The following PHACTR1 variants were observed in gnomAD, a reference collection of about 807,000 sequenced individuals.
The protein encoded by PHACTR1 is phosphatase and actin regulator 1, also known as RPEL repeat containing 1.
In PHACTR1, 16 loss-of-function variants were observed where a neutral mutation model predicts 69.2. The ratio of observed to expected loss-of-function variants is 0.23; its 90% confidence interval spans 0.16 to 0.35. The LOEUF (loss-of-function observed/expected upper bound fraction) is 0.35, where lower values mean the gene tolerates loss of function less well. PHACTR1 is among the 10% of genes least tolerant of loss of function. PHACTR1 has a pLI of 1.00. For missense variants in PHACTR1, 510 were observed against 734.7 expected, an observed-to-expected ratio of 0.69 and a Z score of 3.54; for synonymous variants, 312 against 284.5, an observed-to-expected ratio of 1.10 and a Z score of -0.97.
At position 13,236,091 on chromosome 6, in the gene PHACTR1, A is replaced by ATTTT. The variant is rs556107685; in HGVS notation, c.1391+5908_1391+5911dup. Among the ~76,000 whole-genome samples the ATTTT allele has an allele frequency of 1.7e-3, 246 of 144,414 alleles. 1 individual carries two copies. Among genetic ancestry groups the ATTTT allele is most frequent in the African/African-American group, 5.1e-3 (200 of 39,574 alleles). 94.7% of individuals were successfully genotyped at this position (144,414 alleles called of 152,430 possible). The stretch of plus-strand genomic sequence containing the variant: ...TCCTACTCAGGAATGAACTATGGGC[A>ATTTT]TTTTTTTTTTTTTGGCAGTCAGAGT... On this transcript the variant is annotated intron_variant, in intron 10 of 14. Transcript: ENST00000332995.
At chr6:12,778,072 G>T (rs567224105) in intron 4 of PHACTR1, among the ~76,000 whole-genome samples, 8 of 152,194 alleles carry the variant, frequency 5.3e-5, no homozygotes, top group Admixed American at 3.3e-4. Context: ...AAGTCTCAAG[G>T]TTGAGTCAGG....
chr6:13,206,992 A>G (rs547841178), intron 8 of PHACTR1, among the ~76,000 whole-genome samples: 2 of 152,256 alleles, frequency 1.3e-5, no homozygotes, highest in African/African-American at 2.4e-5. Flanking sequence ...GACCTTATTC[A>G]AGGACCTGCT....
intron 4 of PHACTR1, among the ~76,000 whole-genome samples, chr6:13,014,335 A>G (rs542927466): frequency 6.6e-6 from 1 of 152,292 alleles, no homozygotes; most frequent in African/African-American, 2.4e-5. Context: ...CGGGCTCGCA[A>G]CCCTGCACAT....
intron 4 of PHACTR1, among the ~76,000 whole-genome samples, chr6:12,808,581 G>A (rs1774626105): frequency 6.6e-6 from 1 of 152,142 alleles, no homozygotes; most frequent in South Asian, 2.1e-4. Context: ...TATTGTAAGT[G>A]ACATAGAAAG....
intron 3 of PHACTR1, among the ~76,000 whole-genome samples, chr6:12,731,267 G>A (rs967288270): frequency 2.0e-5 from 3 of 152,102 alleles, no homozygotes; most frequent in Non-Finnish European, 2.9e-5. Context: ...ACCCGCCTTG[G>A]CTTCCCAAAG....
chr6:12,830,319 A>G (rs1777394221), intron 4 of PHACTR1, among the ~76,000 whole-genome samples: 1 of 141,902 alleles, frequency 7.0e-6, no homozygotes, highest in South Asian at 2.2e-4. Context: ...TTAAGATAAG[A>G]TTCAAGGGCT....
At chr6:13,064,942 T>C (rs1250026853) in intron 5 of PHACTR1, among the ~76,000 whole-genome samples, 3 of 152,244 alleles carry the variant, frequency 2.0e-5, no homozygotes, top group Non-Finnish European at 2.9e-5. Flanking sequence ...ACTCATCTGT[T>C]CCGGGACTTG....
intron 4 of PHACTR1, among the ~76,000 whole-genome samples, chr6:12,895,021 G>C (rs1784515642): frequency 6.6e-6 from 1 of 151,966 alleles, no homozygotes; most frequent in African/African-American, 2.4e-5. Context: ...TGGCACACCA[G>C]GGTTTCTCTG....
chr6:12,838,195 GA>G (rs1320612433), intron 4 of PHACTR1, among the ~76,000 whole-genome samples: 7 of 152,294 alleles, frequency 4.6e-5, no homozygotes, highest in Admixed American at 2.0e-4. Context: ...ATAACATACC[GA>G]GTAAAAACAA....
At chr6:13,053,778 G>A (rs1403449701) in intron 5 of PHACTR1, among the ~76,000 whole-genome samples, 3 of 152,020 alleles carry the variant, frequency 2.0e-5, no homozygotes, top group East Asian at 1.9e-4. Flanking sequence ...TTTGATCTAC[G>A]AATAATCTGA....
intron 4 of PHACTR1, among the ~76,000 whole-genome samples, chr6:13,006,021 T>G (rs1798743880): frequency 6.6e-6 from 1 of 152,194 alleles, no homozygotes; most frequent in Non-Finnish European, 1.5e-5. Context: ...CAATTATCAT[T>G]AGCTGATGGT....
At chr6:12,945,130 G>C (rs567556819) in intron 4 of PHACTR1, among the ~76,000 whole-genome samples, 161 of 152,116 alleles carry the variant, frequency 1.1e-3, no homozygotes, top group Non-Finnish European at 1.7e-3. Flanking sequence ...AGCTTCATAC[G>C]AGCAGTTGCC....
intron 4 of PHACTR1, among the ~76,000 whole-genome samples, chr6:12,785,208 T>A (rs1365765271): frequency 6.6e-6 from 1 of 152,106 alleles, no homozygotes; most frequent in Non-Finnish European, 1.5e-5. Context: ...AAAATGCAAT[T>A]CATCAGAGCT....
chr6:13,032,125 A>C (rs926976920), intron 4 of PHACTR1, among the ~76,000 whole-genome samples: 14 of 152,224 alleles, frequency 9.2e-5, no homozygotes, highest in African/African-American at 3.4e-4. Context: ...CCATGGAGAT[A>C]TATTTCAGAT....
At chr6:12,977,285 G>A (rs550610648) in intron 4 of PHACTR1, among the ~76,000 whole-genome samples, 2 of 152,076 alleles carry the variant, frequency 1.3e-5, no homozygotes, top group East Asian at 3.9e-4. Flanking sequence ...ATCCATTGAG[G>A]GTGTTGGAAT....
At chr6:13,126,396 A>T (rs1448696487) in intron 5 of PHACTR1, among the ~76,000 whole-genome samples, 1 of 152,218 alleles carries the variant, frequency 6.6e-6, no homozygotes, top group Non-Finnish European at 1.5e-5. Context: ...ATGCCCATAA[A>T]ATATTACTTG....
At chr6:13,003,801 C>T (rs1425910799) in intron 4 of PHACTR1, among the ~76,000 whole-genome samples, 1 of 151,158 alleles carries the variant, frequency 6.6e-6, no homozygotes, top group African/African-American at 2.4e-5. Flanking sequence ...TCCACGGGTA[C>T]CCACTGTTGA....
intron 4 of PHACTR1, among the ~76,000 whole-genome samples, chr6:12,994,995 G>A (rs1797256149): frequency 6.6e-6 from 1 of 152,054 alleles, no homozygotes; most frequent in Non-Finnish European, 1.5e-5. Context: ...TCAGAAAGAA[G>A]AAAATTGAAC....
At chr6:12,750,913 A>G (rs890491881) in intron 4 of PHACTR1, among the ~76,000 whole-genome samples, 1 of 152,238 alleles carries the variant, frequency 6.6e-6, no homozygotes. Context: ...ATAAGTTATA[A>G]AGCAGATGGT....
Sources: gnomAD v4.1 joint callset for allele counts (sites outside exome capture counted in the v4.1 genomes callset) on GRCh38, gnomAD v4.1.1 for gene constraint, MANE v1.5 for transcripts, NCBI Gene and HGNC (gene_info 2026-07-23, HGNC 2026-07-21) for gene names.